ZMYM4: variants seen among roughly 807,000 people sequenced by gnomAD.
The protein encoded by ZMYM4 is zinc finger MYM-type protein 4.
In ZMYM4, 31 loss-of-function variants were observed where a neutral mutation model predicts 183.2. The ratio of observed to expected loss-of-function variants is 0.17; its 90% CI spans 0.13 to 0.23. The LOEUF (loss-of-function observed/expected upper bound fraction) is 0.23, where lower values mean the gene tolerates loss of function less well. Ranked by LOEUF, ZMYM4 falls within the 10% of genes least tolerant of loss-of-function variation. ZMYM4 has a pLI of 1.00. For synonymous variants in ZMYM4, 592 were observed against 631.2 expected, an observed-to-expected ratio of 0.94 and a Z score of 0.93; for missense variants, 1,273 against 1,840.3, an observed-to-expected ratio of 0.69 and a Z score of 5.64.
At chr1:35,399,432 A>G in intron 22 of ZMYM4, 50 bp from the exon 23 acceptor site, 1 of 1,521,886 alleles carries the variant, frequency 6.6e-7, no homozygotes, top group South Asian at 1.1e-5. Flanking sequence ...GTCTTTATTT[A>G]AATTTGTGAG....
intron 1 of ZMYM4, among the ~76,000 whole-genome samples, chr1:35,315,744 G>A (rs1258534351): frequency 6.6e-6 from 1 of 151,968 alleles, no homozygotes; most frequent in African/African-American, 2.4e-5. Context: ...ACCAGAATTG[G>A]CAACAGTGAG....
chr1:35,279,910 C>T (rs1640061470), intron 1 of ZMYM4, among the ~76,000 whole-genome samples: 1 of 152,158 alleles, frequency 6.6e-6, no homozygotes, highest in African/African-American at 2.4e-5. Flanking sequence ...TTCTCTAAGA[C>T]TACAGAAGCT....
chr1:35,280,633 T>G (rs1435776038), intron 1 of ZMYM4, among the ~76,000 whole-genome samples: 3 of 152,214 alleles, frequency 2.0e-5, no homozygotes, highest in African/African-American at 7.2e-5. Flanking sequence ...CTGAAGCCTT[T>G]AGGGAAGAAT....
Position 35,415,649 on chromosome 1 carries a change from A to G in ZMYM4, c.4244A>G (p.Lys1415Arg). The change falls in exon 28 of 30, where the codon AAG becomes AGG. Residue 1415 changes from lysine to arginine, a missense_variant. This residue lies in a region of ZMYM4 where 145 missense variants were observed against 331.6 expected (regional missense o/e 0.44). Coordinates refer to ENST00000314607, the MANE Select transcript of ZMYM4 (RefSeq NM_005095.3). ...GTGATGAGACGGACCAGGACTCTGAAGTACAGTACCAAGATGACATATCTG... is the reference window on the plus strand; with the variant it reads ...GTGATGAGACGGACCAGGACTCTGAGGTACAGTACCAAGATGACATATCTG... Reference protein sequence around the residue: ...AHVMRRTRTLKYSTKMTYLRF... With the variant: ...AHVMRRTRTLRYSTKMTYLRF... The G allele has an allele frequency of 6.2e-7, 1 of 1,614,160 alleles. No individual in the cohort carries two copies. The highest frequency in any genetic ancestry group is 8.5e-7 in the Non-Finnish European group (1 of 1,180,036).
In ZMYM4 at chr1:35,341,181, T is replaced by C. The variant is rs560317142; in HGVS notation, c.85+15776T>C. The stretch of plus-strand genomic sequence containing the variant: ...TTATTGGCTTTGTGGTATAGACATT[T>C]ATCTGCTGGGTCAAGCCACTGTCTC... On this transcript the variant is annotated intron_variant, in intron 2 of 29. Coordinates refer to ENST00000314607, the MANE Select transcript of ZMYM4 (RefSeq NM_005095.3). Among the ~76,000 whole-genome samples, 6 of 152,296 alleles carry C rather than the reference T, an allele frequency of 3.9e-5. No individual in the cohort carries two copies. In the East Asian group the frequency reaches 1.2e-3, roughly 29 times the overall value.
At chr1:35,300,790 C>T (rs942552236) in intron 1 of ZMYM4, among the ~76,000 whole-genome samples, 1 of 152,042 alleles carries the variant, frequency 6.6e-6, no homozygotes. Context: ...ATGCTTTCAC[C>T]TTTACCTTCT....
intron 2 of ZMYM4, among the ~76,000 whole-genome samples, chr1:35,354,937 G>A (rs1014537405): frequency 1.3e-5 from 2 of 151,768 alleles, no homozygotes; most frequent in African/African-American, 4.8e-5. Flanking sequence ...CCTACATATG[G>A]TCTCTTTCAA....
At position 35,359,293 on chromosome 1, in the gene ZMYM4, C is replaced by A. The variant is rs371501261; in HGVS notation, c.454C>A (p.Arg152=). 1 of 1,608,880 alleles carries A rather than the reference C, an allele frequency of 6.2e-7. No individual in the cohort carries two copies. The highest frequency in any genetic ancestry group is 1.1e-5 in the South Asian group (1 of 89,430). Residue 152 remains arginine (R), a synonymous_variant, in exon 3 of 30, where the codon CGG becomes AGG. Transcript: ENST00000314607. ...TCAGGTTTCTGTCTTTAAATCAATACGGAAAGATTTTAGTCTAGTAAGAGA... is the reference window on the plus strand; with the variant it reads ...TCAGGTTTCTGTCTTTAAATCAATAAGGAAAGATTTTAGTCTAGTAAGAGA... ...FDQVSVFKSI[R]KDFSLVRENS...
At chr1:35,393,876 C>A in intron 18 of ZMYM4, 137 bp downstream of exon 18, 1 of 987,536 alleles carries the variant, frequency 1.0e-6, no homozygotes, top group Non-Finnish European at 1.4e-6. Context: ...GTTCTCACAG[C>A]ATCCCCGTGA....
At position 35,295,022 on chromosome 1, in the gene ZMYM4, G is replaced by A. The variant is rs114264084; in HGVS notation, c.39+25937G>A. On this transcript the variant is annotated intron_variant, in intron 1 of 29. Transcript: ENST00000314607. Reference sequence around the variant, plus strand: ...TCATTCAACAAGTGTTTGAGTGCCTGTTATGCATGAGGAACCATTGTAGGT... The same window carrying A: ...TCATTCAACAAGTGTTTGAGTGCCTATTATGCATGAGGAACCATTGTAGGT... Among the ~76,000 whole-genome samples the A allele has an allele frequency of 2.4e-3, 362 of 152,286 alleles. 2 individuals carry two copies. Among genetic ancestry groups the A allele is most frequent in the African/African-American group, 7.7e-3 (321 of 41,546 alleles).
At chr1:35,309,026 AGAATG>A (rs920406352) in intron 1 of ZMYM4, 2 of 985,340 alleles carry the variant, frequency 2.0e-6, no homozygotes, top group Non-Finnish European at 2.4e-6. Flanking sequence ...AAGACATGTT[AGAATG>A]GTATGTGAAT....
intron 26 of ZMYM4, among the ~76,000 whole-genome samples, chr1:35,412,168 C>G (rs368839993): frequency 6.6e-6 from 1 of 151,424 alleles, no homozygotes; most frequent in African/African-American, 2.5e-5. Flanking sequence ...CATGAGCCAC[C>G]GCACCTGGCG....
intron 2 of ZMYM4, among the ~76,000 whole-genome samples, chr1:35,358,132 A>G (rs1324914250): frequency 2.0e-5 from 3 of 152,172 alleles, no homozygotes; most frequent in Non-Finnish European, 4.4e-5. Flanking sequence ...TATTAAGCTC[A>G]AAGGGTTAAT....
At chr1:35,404,925 T>C in intron 23 of ZMYM4, 98 bp from the exon 24 acceptor site, 1 of 1,227,086 alleles carries the variant, frequency 8.1e-7, no homozygotes. Flanking sequence ...CTAAATTCTT[T>C]ATTCTACAAA....
chr1:35,278,673 G>A (rs867468910), intron 1 of ZMYM4, among the ~76,000 whole-genome samples: 3 of 151,864 alleles, frequency 2.0e-5, no homozygotes, highest in African/African-American at 4.8e-5. Flanking sequence ...TGCCCGCCTC[G>A]GCCTCCCAAA....
At chr1:35,401,751 T>C (rs908097920) in intron 23 of ZMYM4, among the ~76,000 whole-genome samples, 8 of 152,236 alleles carry the variant, frequency 5.3e-5, no homozygotes, top group Admixed American at 2.0e-4. Context: ...TTAACTTTTA[T>C]GTTTGTGATC....
intron 1 of ZMYM4, among the ~76,000 whole-genome samples, chr1:35,291,190 T>G (rs1399115769): frequency 6.6e-6 from 1 of 152,188 alleles, no homozygotes; most frequent in Admixed American, 6.5e-5. Flanking sequence ...TATGTCTTCT[T>G]ATATTGTGTT....
chr1:35,339,212 A>G (rs1038523626), intron 2 of ZMYM4, among the ~76,000 whole-genome samples: 4 of 152,090 alleles, frequency 2.6e-5, no homozygotes, highest in Non-Finnish European at 5.9e-5. Context: ...CAATATAACA[A>G]CTATTTACAT....
At chr1:35,296,538 C>T (rs888665623) in intron 1 of ZMYM4, among the ~76,000 whole-genome samples, 3 of 152,048 alleles carry the variant, frequency 2.0e-5, no homozygotes, top group Non-Finnish European at 2.9e-5. Context: ...AAACTGTTTC[C>T]ATTGTGTGTA....
Sources: gnomAD v4.1 joint callset for allele counts (sites outside exome capture counted in the v4.1 genomes callset) on GRCh38, gnomAD v4.1.1 for gene constraint, gnomAD v4.1.1 regional missense constraint, MANE v1.5 for transcripts, NCBI Gene and HGNC (gene_info 2026-07-23, HGNC 2026-07-21) for gene names.